Variants in PARP8 observed in about 807,000 individuals in gnomAD.
PARP8 encodes poly(ADP-ribose) polymerase family member 8, also known as protein mono-ADP-ribosyltransferase PARP8.
In PARP8, 51 loss-of-function variants were observed where a neutral mutation model predicts 124.1. The ratio of observed to expected loss-of-function variants is 0.41; its 90% CI spans 0.33 to 0.52. The LOEUF (loss-of-function observed/expected upper bound fraction) is 0.52, where lower values mean the gene tolerates loss of function less well. Ranked by LOEUF, PARP8 falls within the 20% of genes least tolerant of loss-of-function variation. PARP8 has a pLI of 0.21. For synonymous variants in PARP8, 391 were observed against 361.5 expected (o/e 1.08, Z -0.93); for missense variants, 860 against 1,018.9 (o/e 0.84, Z 2.12).
chr5:50,794,308 T>A lies in PARP8; in HGVS notation c.839T>A (p.Leu280Gln). Reference sequence around the variant, plus strand: ...TCAGAGAAGAAAGTGAAGTCTCCCCTGCATTTATTTTCTACTTTGCGCAGG... The same window carrying A: ...TCAGAGAAGAAAGTGAAGTCTCCCCAGCATTTATTTTCTACTTTGCGCAGG... ...KLSEKKVKSP[L>Q]HLFSTLRRSP... is the part of the protein sequence containing the mutation. The change falls in exon 11 of 26, where the codon CTG becomes CAG. Residue 280 changes from leucine to glutamine, a missense_variant. Transcript: ENST00000281631. The A allele has an allele frequency of 6.2e-7, 1 of 1,613,288 alleles. No individual in the cohort carries two copies.
At chr5:50,819,915 A>G (rs751753558) in intron 15 of PARP8, among the ~76,000 whole-genome samples, 5 of 152,148 alleles carry the variant, frequency 3.3e-5, no homozygotes, top group Non-Finnish European at 5.9e-5. Flanking sequence ...TGTCCTTATT[A>G]TGTTTATTGC....
chr5:50,667,232 C>T (rs113366370), intron 1 of PARP8, 46 bp downstream of exon 1: 19 of 1,577,812 alleles, frequency 1.2e-5, no homozygotes, highest in African/African-American at 9.4e-5. Context: ...GCCCCCTTCC[C>T]AGTTTTCTGA....
intron 2 of PARP8, among the ~76,000 whole-genome samples, chr5:50,685,870 A>G (rs1433363369): frequency 6.6e-6 from 1 of 152,224 alleles, no homozygotes; most frequent in East Asian, 1.9e-4. Flanking sequence ...TCTCACAAGA[A>G]CAGCATGGGA....
At chr5:50,821,059 C>A (rs1334929427) in intron 15 of PARP8, among the ~76,000 whole-genome samples, 154 bp from the exon 16 acceptor site, 1 of 152,172 alleles carries the variant, frequency 6.6e-6, no homozygotes, top group Non-Finnish European at 1.5e-5. Flanking sequence ...AAAGTTTGGT[C>A]AAATGTGGTC....
chr5:50,765,040 TC>T (rs1195070947), intron 7 of PARP8, among the ~76,000 whole-genome samples: 1 of 151,978 alleles, frequency 6.6e-6, no homozygotes, highest in African/African-American at 2.4e-5. Context: ...GGAGGGCAGA[TC>T]CCCTGAGGTT....
intron 14 of PARP8, among the ~76,000 whole-genome samples, chr5:50,803,754 G>C (rs552157368): frequency 2.3e-4 from 35 of 152,110 alleles, no homozygotes; most frequent in Non-Finnish European, 3.7e-4. Flanking sequence ...AGTATAGCCA[G>C]TTTAAAGTTT....
intron 2 of PARP8, among the ~76,000 whole-genome samples, chr5:50,716,708 G>T (rs1366203551): frequency 6.6e-6 from 1 of 152,024 alleles, no homozygotes; most frequent in South Asian, 2.1e-4. Flanking sequence ...CTTTAACATG[G>T]TTTAATACCT....
At chr5:50,826,530 A>T (rs931343665) in intron 18 of PARP8, among the ~76,000 whole-genome samples, 2 of 152,114 alleles carry the variant, frequency 1.3e-5, no homozygotes, top group African/African-American at 4.8e-5. Flanking sequence ...GTTTTAGGGA[A>T]CAACTTCCTA....
At chr5:50,826,692 A>G (rs1456221266) in intron 18 of PARP8, 63 bp from the exon 19 acceptor site, 3 of 1,516,108 alleles carry the variant, frequency 2.0e-6, no homozygotes, top group Non-Finnish European at 2.6e-6. Flanking sequence ...GTTGCCAACT[A>G]AGAAAAAGAA....
chr5:50,699,457 A>G (rs1338626724), intron 2 of PARP8, among the ~76,000 whole-genome samples: 1 of 152,214 alleles, frequency 6.6e-6, no homozygotes, highest in Non-Finnish European at 1.5e-5. Context: ...TTTGTTTCCT[A>G]GCTACCTCAG....
Position 50,843,071 on chromosome 5 carries a change from AT to A in PARP8, c.*1010del, listed in dbSNP as rs1305917300. The A allele has an allele frequency of 9.7e-5, 13 of 133,384 alleles. No homozygotes were observed. The highest frequency in any genetic ancestry group is 3.1e-4 in the African/African-American group (11 of 35,444). The allele number at this position is 133,384 out of a possible 1,614,324, so 8.3% of individuals were successfully genotyped here. A position where few individuals can be genotyped will look rare whatever the true frequency, so the allele number is the denominator to read the frequency against. Reference sequence around the variant, plus strand: ...ATTTGTTCATCTAATATCTCTGCTTATTTTTTTCATATTGAGAAAGAACACA... The same window carrying A: ...ATTTGTTCATCTAATATCTCTGCTTATTTTTTCATATTGAGAAAGAACACA... On this transcript the variant is annotated 3_prime_UTR_variant, in exon 26 of 26. Transcript: ENST00000281631.
At chr5:50,820,613 G>T (rs1407250958) in intron 15 of PARP8, among the ~76,000 whole-genome samples, 2 of 152,138 alleles carry the variant, frequency 1.3e-5, no homozygotes, top group Non-Finnish European at 2.9e-5. Flanking sequence ...ATGTTGTCAG[G>T]CAATTAGCTA....
chr5:50,669,332 C>T (rs1042782553), intron 2 of PARP8: 9 of 152,242 alleles, frequency 5.9e-5, no homozygotes, highest in African/African-American at 2.2e-4. Context: ...ATTAAATTAA[C>T]GCTGGTCCTA....
intron 25 of PARP8, among the ~76,000 whole-genome samples, chr5:50,840,699 T>C (rs561413621): frequency 6.6e-6 from 1 of 151,928 alleles, no homozygotes; most frequent in South Asian, 2.1e-4. Context: ...GATTCATGTA[T>C]AAAACCATCA....
intron 2 of PARP8, among the ~76,000 whole-genome samples, chr5:50,702,241 AAAGAT>A (rs1225918036): frequency 6.6e-6 from 1 of 152,114 alleles, no homozygotes; most frequent in Non-Finnish European, 1.5e-5. Context: ...TTTTTTTAAA[AAAGAT>A]AAGTATTACA....
chr5:50,827,610 A>G (rs367676375), intron 19 of PARP8, among the ~76,000 whole-genome samples: 6 of 152,296 alleles, frequency 3.9e-5, no homozygotes, highest in African/African-American at 1.4e-4. Flanking sequence ...CAATAATAAA[A>G]ATGTTAAAAG....
intron 2 of PARP8, among the ~76,000 whole-genome samples, chr5:50,670,474 AT>A (rs1749880959): frequency 6.6e-6 from 1 of 152,242 alleles, no homozygotes; most frequent in Non-Finnish European, 1.5e-5. Context: ...TTAAAAAAAA[AT>A]AATAATTTTG....
chr5:50,765,966 A>C (rs1276211041), intron 7 of PARP8, among the ~76,000 whole-genome samples: 1 of 151,918 alleles, frequency 6.6e-6, no homozygotes, highest in Non-Finnish European at 1.5e-5. Flanking sequence ...AATATGCACA[A>C]CAGGCTATTA....
intron 2 of PARP8, among the ~76,000 whole-genome samples, chr5:50,682,427 A>G (rs1161649256): frequency 6.6e-6 from 1 of 151,002 alleles, no homozygotes; most frequent in Non-Finnish European, 1.5e-5. Context: ...ACTTTTTTAA[A>G]TCACTTAATA....
Sources: allele counts gnomAD v4.1 joint callset (sites outside exome capture counted in the v4.1 genomes callset), GRCh38; gene constraint gnomAD v4.1.1; transcripts MANE v1.5; gene names NCBI Gene and HGNC (gene_info 2026-07-23, HGNC 2026-07-21).